The following ZNF521 variants were observed in gnomAD, a reference collection of about 807,000 sequenced individuals.
ZNF521 encodes zinc finger protein 521, also known as LYST-interacting protein 3.
ZNF521 carries 14 observed loss-of-function variants against 105.5 expected under a neutral mutation model. The ratio of observed to expected loss-of-function variants is 0.13; its 90% CI spans 0.09 to 0.21. The LOEUF is 0.21. ZNF521 is among the 10% of genes least tolerant of loss of function. The pLI is 1.00. For synonymous variants in ZNF521, 635 were observed against 606.0 expected (o/e 1.05, Z -0.70); for missense variants, 1,233 against 1,629.7 (o/e 0.76, Z 4.19).
chr18:25,270,285 T>C (rs934152244), intron 3 of ZNF521, among the ~76,000 whole-genome samples: 2 of 152,156 alleles, frequency 1.3e-5, no homozygotes, highest in Admixed American at 6.5e-5. Context: ...GAGTAATTAA[T>C]AGCCTACCAA....
chr18:25,222,859 C>CA (rs1002316567), intron 4 of ZNF521, among the ~76,000 whole-genome samples: 12 of 152,014 alleles, frequency 7.9e-5, no homozygotes, highest in African/African-American at 2.4e-4. Flanking sequence ...CATAATTGAA[C>CA]AAAAAAATAC....
At chr18:25,274,050 T>G (rs911450185) in intron 3 of ZNF521, among the ~76,000 whole-genome samples, 1 of 152,194 alleles carries the variant, frequency 6.6e-6, no homozygotes, top group Non-Finnish European at 1.5e-5. Flanking sequence ...AAAGGTGGAA[T>G]CTACCTCTCC....
At chr18:25,283,285 A>C (rs1436363417) in intron 3 of ZNF521, among the ~76,000 whole-genome samples, 1 of 152,194 alleles carries the variant, frequency 6.6e-6, no homozygotes, top group Non-Finnish European at 1.5e-5. Flanking sequence ...CACATCATAC[A>C]TTCCCACTCT....
At chr18:25,104,927 C>T (rs557034289) in intron 5 of ZNF521, among the ~76,000 whole-genome samples, 1 of 152,094 alleles carries the variant, frequency 6.6e-6, no homozygotes, top group East Asian at 1.9e-4. Flanking sequence ...AGAAAAATGC[C>T]CAGGCAAAAT....
chr18:25,254,420 C>G (rs921012635), intron 3 of ZNF521, among the ~76,000 whole-genome samples: 4 of 152,136 alleles, frequency 2.6e-5, no homozygotes, highest in Admixed American at 2.0e-4. Context: ...AGCTACTACC[C>G]AGGACAGCTG....
intron 3 of ZNF521, among the ~76,000 whole-genome samples, chr18:25,257,948 CAT>C (rs1279684085): frequency 3.3e-5 from 5 of 152,160 alleles, no homozygotes; most frequent in Admixed American, 2.6e-4. Context: ...CACACATGCA[CAT>C]GTGTGCACAA....
At position 25,070,110 on chromosome 18, in the gene ZNF521, A is replaced by T. The variant is rs140544250; in HGVS notation, c.3907-7369T>A. ...TGGCATCATCAGAAGCGATCAGAAG[A>T]ATACAAGATATTAAAGAAGGAAAAG... On this transcript the variant is annotated intron_variant, in intron 7 of 7. Coordinates refer to ENST00000361524, the MANE Select transcript of ZNF521 (RefSeq NM_015461.3). Among the ~76,000 whole-genome samples the T allele has an allele frequency of 5.6e-3, 855 of 152,302 alleles. 11 individuals carry two copies. The highest frequency in any genetic ancestry group is 0.02 in the African/African-American group (821 of 41,560).
At chr18:25,174,854 A>G (rs1057232960) in intron 5 of ZNF521, among the ~76,000 whole-genome samples, 7 of 152,188 alleles carry the variant, frequency 4.6e-5, no homozygotes, top group Non-Finnish European at 7.3e-5. Context: ...ATTAATTTCT[A>G]AAGAGTGTTA....
intron 4 of ZNF521, among the ~76,000 whole-genome samples, chr18:25,220,391 G>A (rs913563222): frequency 6.6e-6 from 1 of 152,136 alleles, no homozygotes; most frequent in African/African-American, 2.4e-5. Flanking sequence ...GAAGACAGGA[G>A]TACCGAGAGG....
At chr18:25,097,301 T>A (rs2033872572) in intron 5 of ZNF521, among the ~76,000 whole-genome samples, 1 of 152,152 alleles carries the variant, frequency 6.6e-6, no homozygotes, top group Admixed American at 6.6e-5. Flanking sequence ...GACTGTAACA[T>A]AAACACACTG....
chr18:25,139,372 C>CA (rs36175281), intron 5 of ZNF521, among the ~76,000 whole-genome samples: 520 of 51,376 alleles, frequency 0.01, 40 homozygotes, highest in East Asian at 0.036. Context: ...GACTCTGTCT[C>CA]AAAAAAAAAA....
chr18:25,329,033 C>A (rs1376069933), intron 2 of ZNF521, among the ~76,000 whole-genome samples: 2 of 152,166 alleles, frequency 1.3e-5, no homozygotes, highest in Non-Finnish European at 2.9e-5. Flanking sequence ...GCTGCCTTGT[C>A]ACAACTTCAG....
chr18:25,316,324 A>T lies in ZNF521; in HGVS notation c.220+5684T>A, dbSNP rs1340835355. Among the ~76,000 whole-genome samples, 23 of 101,234 alleles carry T rather than the reference A, an allele frequency of 2.3e-4. 1 individual carries two copies. Among genetic ancestry groups the T allele is most frequent in the East Asian group, 8.8e-4 (3 of 3,394 alleles). The allele number at this position is 101,234 out of a possible 152,430, so 66.4% of individuals were successfully genotyped here. A position where few individuals can be genotyped will look rare whatever the true frequency, so the allele number is the denominator to read the frequency against. Reference sequence around the variant, plus strand: ...TGAAATTAAAAGGTAAAACGAATTTAAAAAAAAAAAAAAAAGGAAAGAAAA... The same window carrying T: ...TGAAATTAAAAGGTAAAACGAATTTTAAAAAAAAAAAAAAAGGAAAGAAAA... On this transcript the variant is annotated intron_variant, in intron 3 of 7. Coordinates refer to ENST00000361524, the MANE Select transcript of ZNF521 (RefSeq NM_015461.3).
chr18:25,219,867 C>A (rs1231920648), intron 4 of ZNF521, among the ~76,000 whole-genome samples: 1 of 152,080 alleles, frequency 6.6e-6, no homozygotes, highest in Non-Finnish European at 1.5e-5. Flanking sequence ...GAGGTGTAAT[C>A]CCCATAAAAA....
intron 5 of ZNF521, among the ~76,000 whole-genome samples, chr18:25,095,356 T>C (rs1381578194): frequency 6.6e-6 from 1 of 152,132 alleles, no homozygotes; most frequent in Non-Finnish European, 1.5e-5. Context: ...TCTGGAAAGG[T>C]AGCAGCTGAC....
chr18:25,074,842 G>A (rs767527116), intron 7 of ZNF521, among the ~76,000 whole-genome samples: 2 of 152,078 alleles, frequency 1.3e-5, no homozygotes, highest in African/African-American at 4.8e-5. Context: ...ATGGTGCACA[G>A]AGCTACTGGA....
chr18:25,278,518 C>T (rs1366401419), intron 3 of ZNF521, among the ~76,000 whole-genome samples: 2 of 152,198 alleles, frequency 1.3e-5, no homozygotes, highest in East Asian at 3.9e-4. Flanking sequence ...CTCTTGCCTG[C>T]TTTACTGACC....
At chr18:25,136,545 T>C (rs906816505) in intron 5 of ZNF521, among the ~76,000 whole-genome samples, 2 of 152,134 alleles carry the variant, frequency 1.3e-5, no homozygotes, top group Non-Finnish European at 2.9e-5. Context: ...ATTGTTTTCA[T>C]AGAAGGAGAG....
intron 5 of ZNF521, among the ~76,000 whole-genome samples, chr18:25,118,728 G>A (rs1382177018): frequency 6.6e-6 from 1 of 151,904 alleles, no homozygotes; most frequent in Non-Finnish European, 1.5e-5. Flanking sequence ...AGGAAGAAAT[G>A]ACTCAAAAAA....
Sources: allele counts gnomAD v4.1 joint callset (sites outside exome capture counted in the v4.1 genomes callset), GRCh38; gene constraint gnomAD v4.1.1; transcripts MANE v1.5; gene names NCBI Gene and HGNC (gene_info 2026-07-23, HGNC 2026-07-21).